Variants in CSMD1 observed in about 807,000 individuals in gnomAD.
The protein encoded by CSMD1 is CUB and Sushi multiple domains 1, also known as CUB and sushi domain-containing protein 1.
In CSMD1, 213 loss-of-function variants were observed where a neutral mutation model predicts 417.5. The observed-to-expected ratio is 0.51, with a 90% CI of 0.46 to 0.57. CSMD1 has a LOEUF of 0.57. Ranked by LOEUF, CSMD1 falls within the 20% of genes least tolerant of loss-of-function variation. The pLI is 0.00. For synonymous variants in CSMD1, 2,862 were observed against 1,736.8 expected, an observed-to-expected ratio of 1.65 and a Z score of -16.11; for missense variants, 6,923 against 4,529.7, an observed-to-expected ratio of 1.53 and a Z score of -15.17.
chr8:3,044,823 T>G (rs569925696), intron 50 of CSMD1, among the ~76,000 whole-genome samples: 1 of 152,332 alleles, frequency 6.6e-6, no homozygotes, highest in East Asian at 1.9e-4. Context: ...TGAGATTCAG[T>G]GTACTGATCT....
chr8:3,793,977 T>C (rs1286991026), intron 5 of CSMD1, among the ~76,000 whole-genome samples: 1 of 152,212 alleles, frequency 6.6e-6, no homozygotes, highest in African/African-American at 2.4e-5. Context: ...AAATGGTTCT[T>C]CTGCTTTCCT....
chr8:3,844,955 T>C (rs1803401198), intron 5 of CSMD1, among the ~76,000 whole-genome samples: 2 of 152,222 alleles, frequency 1.3e-5, no homozygotes, highest in South Asian at 4.1e-4. Context: ...TTTTAATGAA[T>C]TAAGATTTTA....
intron 3 of CSMD1, among the ~76,000 whole-genome samples, chr8:4,319,587 A>G (rs563679771): frequency 6.6e-6 from 1 of 152,302 alleles, no homozygotes; most frequent in Non-Finnish European, 1.5e-5. Context: ...ATAACAGGAA[A>G]TACAGAGTGG....
intron 5 of CSMD1, among the ~76,000 whole-genome samples, chr8:3,888,108 C>G (rs1393503755): frequency 1.3e-5 from 2 of 152,242 alleles, no homozygotes; most frequent in East Asian, 3.9e-4. Flanking sequence ...ACCAACGCTC[C>G]TTTGCCTAAG....
At chr8:3,764,672 T>C (rs1170852560) in intron 5 of CSMD1, among the ~76,000 whole-genome samples, 2 of 152,018 alleles carry the variant, frequency 1.3e-5, no homozygotes, top group Admixed American at 1.3e-4. Flanking sequence ...GGGAGTTCAT[T>C]ATCTAGAGCA....
At chr8:3,160,796 G>C (rs944447904) in intron 38 of CSMD1, among the ~76,000 whole-genome samples, 1 of 152,116 alleles carries the variant, frequency 6.6e-6, no homozygotes, top group Non-Finnish European at 1.5e-5. Flanking sequence ...CATGTCCCAC[G>C]GTTGATCAGG....
rs192059252 is a variant in CSMD1, at chr8:4,049,603, G to T, written c.416-17504C>A. On this transcript the variant is annotated intron_variant, in intron 3 of 69. Coordinates refer to ENST00000635120, the MANE Select transcript of CSMD1 (RefSeq NM_033225.6). ...ACCTGCTCTGTCTTTTTTATTTAGGGTTTAATATTTCATTGCTCTGTAAGT... is the reference window on the plus strand; with the variant it reads ...ACCTGCTCTGTCTTTTTTATTTAGGTTTTAATATTTCATTGCTCTGTAAGT... Among the ~76,000 whole-genome samples the T allele has an allele frequency of 6.6e-4, 100 of 152,018 alleles. 1 individual carries two copies. The highest frequency in any genetic ancestry group is 9.7e-4 in the East Asian group (5 of 5,170).
chr8:4,355,367 A>G (rs188003178), intron 3 of CSMD1, among the ~76,000 whole-genome samples: 101 of 151,896 alleles, frequency 6.6e-4, no homozygotes, highest in African/African-American at 2.2e-3. Flanking sequence ...CACACACACA[A>G]AACTCTACAA....
At chr8:3,220,150 C>CAAAAAAAAAAAAAAAAA (rs756296256) in intron 28 of CSMD1, among the ~76,000 whole-genome samples, 41 of 114,142 alleles carry the variant, frequency 3.6e-4, no homozygotes, top group African/African-American at 1.3e-3. Flanking sequence ...AAGACCCTGT[C>CAAAAAAAAAAAAAAAAA]AAAAAAAAAA....
chr8:4,920,885 A>G (rs1309255737), intron 1 of CSMD1, among the ~76,000 whole-genome samples: 2 of 66,064 alleles, frequency 3.0e-5, no homozygotes, highest in Non-Finnish European at 7.3e-5. Flanking sequence ...AGAAAAGAAA[A>G]GAAAAGAAAA....
Position 4,039,963 on chromosome 8 carries a change from G to C in CSMD1, c.416-7864C>G, listed in dbSNP as rs571807459. On this transcript the variant is annotated intron_variant, in intron 3 of 69. Transcript: ENST00000635120. Reference sequence around the variant, plus strand: ...GGTTTATTATAGAGAATTGTAAAAAGATATCACAAATCAGGGCACTCGGTA... The same window carrying C: ...GGTTTATTATAGAGAATTGTAAAAACATATCACAAATCAGGGCACTCGGTA... Among the ~76,000 whole-genome samples, 3 of 152,156 alleles carry C rather than the reference G, an allele frequency of 2.0e-5. No homozygotes were observed. In the East Asian group the frequency reaches 5.8e-4, roughly 29 times the overall value.
intron 3 of CSMD1, among the ~76,000 whole-genome samples, chr8:4,326,055 T>A (rs1310490521): frequency 6.6e-6 from 1 of 152,122 alleles, no homozygotes; most frequent in Non-Finnish European, 1.5e-5. Flanking sequence ...AACACGGGAT[T>A]CTCCAACACT....
At chr8:4,385,001 A>G (rs1563118028) in intron 3 of CSMD1, among the ~76,000 whole-genome samples, 3 of 152,104 alleles carry the variant, frequency 2.0e-5, no homozygotes, top group Admixed American at 2.0e-4. Context: ...ATCTCGGCTC[A>G]ATGCAACCTC....
At chr8:4,428,953 A>T (rs1303069831) in intron 2 of CSMD1, among the ~76,000 whole-genome samples, 1 of 152,166 alleles carries the variant, frequency 6.6e-6, no homozygotes, top group East Asian at 1.9e-4. Flanking sequence ...ACTTGAAGTG[A>T]TCCACCTGCC....
intron 6 of CSMD1, among the ~76,000 whole-genome samples, chr8:3,731,962 C>T (rs745714378): frequency 5.3e-5 from 8 of 152,140 alleles, no homozygotes; most frequent in Non-Finnish European, 1.0e-4. Context: ...ACCCTGGGCT[C>T]TCACTGAACT....
At chr8:4,311,148 G>A (rs1011347412) in intron 3 of CSMD1, among the ~76,000 whole-genome samples, 1 of 152,166 alleles carries the variant, frequency 6.6e-6, no homozygotes, top group East Asian at 1.9e-4. Flanking sequence ...ACCGTGACTG[G>A]CTGTAAGCCC....
chr8:4,353,735 G>T (rs1344296721), intron 3 of CSMD1, among the ~76,000 whole-genome samples: 1 of 145,358 alleles, frequency 6.9e-6, no homozygotes, highest in African/African-American at 2.6e-5. Context: ...TTTTGTTGGG[G>T]TTCATGGAGA....
chr8:4,195,216 C>T lies in CSMD1; in HGVS notation c.416-163117G>A, dbSNP rs988638838. 5.3e-5 allele frequency among the ~76,000 whole-genome samples: 8 copies of T among 152,176 alleles called. No individual in the cohort carries two copies. The South Asian group carries it at 8.3e-4, about 16-fold the overall frequency. Reference sequence around the variant, plus strand: ...AATAAACTAAAACCTTGGGTGCATACATTCGATTTCAGGCAGATTTTTTAA... The same window carrying T: ...AATAAACTAAAACCTTGGGTGCATATATTCGATTTCAGGCAGATTTTTTAA... On this transcript the variant is annotated intron_variant, in intron 3 of 69. Coordinates refer to ENST00000635120, the MANE Select transcript of CSMD1 (RefSeq NM_033225.6).
At chr8:4,742,572 T>G (rs1488102215) in intron 1 of CSMD1, among the ~76,000 whole-genome samples, 2 of 152,106 alleles carry the variant, frequency 1.3e-5, no homozygotes, top group Non-Finnish European at 2.9e-5. Context: ...GAGAAATGTT[T>G]TTTTATTTAG....
Sources: gnomAD v4.1 joint callset for allele counts (sites outside exome capture counted in the v4.1 genomes callset) on GRCh38, gnomAD v4.1.1 for gene constraint, MANE v1.5 for transcripts, NCBI Gene and HGNC (gene_info 2026-07-23, HGNC 2026-07-21) for gene names.